TMEM72: variants seen among roughly 807,000 people sequenced by gnomAD.
TMEM72 encodes the protein kidney-specific secretory protein of 37 kDa.
Under a neutral mutation model 16.3 loss-of-function variants are expected in TMEM72, and 9 were observed. The observed-to-expected ratio is 0.55, with a 90% CI of 0.33 to 0.96. The LOEUF (loss-of-function observed/expected upper bound fraction) is 0.96, where lower values mean the gene tolerates loss of function less well. TMEM72 is among the 40% of genes least tolerant of loss of function. The pLI is 0.03. For missense variants in TMEM72, 324 were observed against 337.8 expected, an observed-to-expected ratio of 0.96 and a Z score of 0.32; for synonymous variants, 160 against 146.5, an observed-to-expected ratio of 1.09 and a Z score of -0.66.
Position 44,935,092 on chromosome 10 carries a change from C to G in TMEM72, c.786C>G (p.Ala262=). 6.2e-7 allele frequency: 1 copy of G among 1,609,236 alleles called. No homozygotes were observed. Among genetic ancestry groups the G allele is most frequent in the Non-Finnish European group, 8.5e-7 (1 of 1,177,696 alleles). ...CACCCATCATTCCCCCTCCCCAGGC[C>G]CCACTCTTCCTGTCATCTCTTACAG... The part of the protein sequence containing the change: ...DTTPIIPPPQ[A]PLFLSSLTAT... The change falls in exon 5 of 5, where the codon GCC becomes GCG. Residue 262 remains alanine, a synonymous_variant. Transcript: ENST00000389583.
chr10:44,929,461 T>TC (rs549273640), intron 2 of TMEM72, among the ~76,000 whole-genome samples: 24 of 151,378 alleles, frequency 1.6e-4, no homozygotes, highest in East Asian at 5.8e-4. Context: ...TGACCTCCAC[T>TC]CCCCCCCCTC....
intron 1 of TMEM72, among the ~76,000 whole-genome samples, chr10:44,921,841 G>A (rs924430876): frequency 1.3e-5 from 2 of 152,194 alleles, no homozygotes; most frequent in Admixed American, 6.5e-5. Context: ...CAGGGCCCAC[G>A]AAGGGCCTAC....
rs1425449207 is a variant in TMEM72 at position 44,933,740 on chromosome 10, C to T, written c.313C>T (p.Leu105Phe). 2 of 1,614,112 alleles carry T rather than the reference C, an allele frequency of 1.2e-6. No homozygotes were observed. Among genetic ancestry groups the T allele is most frequent in the Non-Finnish European group, 1.7e-6 (2 of 1,179,978 alleles). The change falls in exon 4 of 5, where the codon CTC becomes TTC. Residue 105 changes from leucine to phenylalanine, a missense_variant. Coordinates refer to ENST00000389583, the MANE Select transcript of TMEM72 (RefSeq NM_001123376.3). ...AYLLLSVACF[L>F]HPVLVWHVTI... is the part of the protein sequence containing the mutation. ...CCTGCTGCTGTCGGTGGCCTGCTTCCTCCACCCGGTCCTGGTCTGGCACGT... is the reference window on the plus strand; with the variant it reads ...CCTGCTGCTGTCGGTGGCCTGCTTCTTCCACCCGGTCCTGGTCTGGCACGT...
intron 1 of TMEM72, among the ~76,000 whole-genome samples, chr10:44,912,316 C>G (rs926351892): frequency 2.0e-5 from 3 of 152,322 alleles, no homozygotes; most frequent in Admixed American, 6.5e-5. Context: ...CCTGCCTGCT[C>G]GCTTCCCCAG....
intron 2 of TMEM72, among the ~76,000 whole-genome samples, chr10:44,931,493 G>T (rs1232635519): frequency 1.3e-5 from 2 of 152,216 alleles, no homozygotes; most frequent in Non-Finnish European, 2.9e-5. Context: ...AAGTGGAACT[G>T]GTGCAGGGGT....
At chr10:44,920,198 G>A (rs1368164629) in intron 1 of TMEM72, 4 of 152,246 alleles carry the variant, frequency 2.6e-5, no homozygotes, top group Non-Finnish European at 5.9e-5. Flanking sequence ...CAATGCCCAG[G>A]GCATCCAGTG....
intron 1 of TMEM72, among the ~76,000 whole-genome samples, chr10:44,925,723 T>G (rs894761656): frequency 6.6e-6 from 1 of 152,218 alleles, no homozygotes; most frequent in Non-Finnish European, 1.5e-5. Flanking sequence ...TTGACTTACA[T>G]TACTTACATT....
chr10:44,935,220 A>G lies in TMEM72; in HGVS notation c.*86A>G. On this transcript the variant is annotated 3_prime_UTR_variant, in exon 5 of 5. Transcript: ENST00000389583. ...TGGAGTTTCAGGGTCTTCTCTGGTC[A>G]GCTTTTCAAGGGGTAACCAGACACC... The G allele has an allele frequency of 7.4e-7, 1 of 1,355,478 alleles. No individual in the cohort carries two copies. The highest frequency in any genetic ancestry group is 1.0e-6 in the Non-Finnish European group (1 of 1,002,324). The allele number at this position is 1,355,478 out of a possible 1,614,324, so 84.0% of individuals were successfully genotyped here.
At chr10:44,929,144 A>G (rs1254994760) in intron 2 of TMEM72, among the ~76,000 whole-genome samples, 1 of 151,664 alleles carries the variant, frequency 6.6e-6, no homozygotes, top group Non-Finnish European at 1.5e-5. Context: ...CAAACCCAAG[A>G]CCCTTTTTTT....
chr10:44,932,205 C>A (rs918692971), intron 3 of TMEM72, 136 bp downstream of exon 3: 5 of 1,086,450 alleles, frequency 4.6e-6, no homozygotes, highest in Non-Finnish European at 6.7e-6. Context: ...CACCGAGGTA[C>A]AATCAGCCTG....
At chr10:44,920,016 T>A (rs1840070611) in intron 1 of TMEM72, 1 of 152,280 alleles carries the variant, frequency 6.6e-6, no homozygotes, top group Non-Finnish European at 1.5e-5. Context: ...ACCCTGGCGG[T>A]GACCACCTCT....
intron 1 of TMEM72, among the ~76,000 whole-genome samples, chr10:44,913,487 C>G (rs11595954): frequency 0.014 from 2,174 of 152,160 alleles, 49 homozygotes; most frequent in African/African-American, 0.046. Context: ...CAAACCCGTG[C>G]GCGCGCACAT....
intron 1 of TMEM72, among the ~76,000 whole-genome samples, chr10:44,915,907 A>T (rs1309303343): frequency 1.3e-5 from 2 of 152,034 alleles, no homozygotes; most frequent in East Asian, 1.9e-4. Context: ...TCCAGGGGGA[A>T]CTATCACAGT....
At chr10:44,921,912 A>C (rs907428952) in intron 1 of TMEM72, among the ~76,000 whole-genome samples, 4 of 152,182 alleles carry the variant, frequency 2.6e-5, no homozygotes, top group Non-Finnish European at 5.9e-5. Context: ...TTAAATTACA[A>C]TGAGGGCCCC....
chr10:44,926,154 CAT>C (rs562036439), intron 1 of TMEM72, among the ~76,000 whole-genome samples: 224 of 152,106 alleles, frequency 1.5e-3, no homozygotes, highest in Non-Finnish European at 2.7e-3. Flanking sequence ...TATATACTCA[CAT>C]ATACACATAC....
intron 1 of TMEM72, among the ~76,000 whole-genome samples, chr10:44,917,177 G>T (rs922040218): frequency 6.6e-6 from 1 of 152,096 alleles, no homozygotes; most frequent in African/African-American, 2.4e-5. Flanking sequence ...TTGGGAGGTG[G>T]GTCTGTGTCC....
intron 1 of TMEM72, among the ~76,000 whole-genome samples, chr10:44,915,358 C>T (rs1232481506): frequency 9.2e-5 from 14 of 151,542 alleles, no homozygotes; most frequent in Non-Finnish European, 2.1e-4. Context: ...GCATTTCATC[C>T]TCCTGTCATT....
intron 1 of TMEM72, among the ~76,000 whole-genome samples, chr10:44,912,828 A>T (rs188749768): frequency 3.6e-4 from 55 of 152,306 alleles, no homozygotes; most frequent in Non-Finnish European, 6.0e-4. Context: ...TCCAGCATCT[A>T]GGCCATGAGT....
intron 1 of TMEM72, among the ~76,000 whole-genome samples, chr10:44,917,171 G>A (rs1254058911): frequency 6.6e-6 from 1 of 152,150 alleles, no homozygotes; most frequent in Non-Finnish European, 1.5e-5. Flanking sequence ...TAGTGTTTGG[G>A]AGGTGGGTCT....
Sources: allele counts gnomAD v4.1 joint callset (sites outside exome capture counted in the v4.1 genomes callset), GRCh38; gene constraint gnomAD v4.1.1; transcripts MANE v1.5; gene names NCBI Gene and HGNC (gene_info 2026-07-23, HGNC 2026-07-21).